Variants in PPP1R13B observed in about 807,000 individuals in gnomAD.
PPP1R13B encodes the protein apoptosis-stimulating of p53 protein 1.
In PPP1R13B, 44 loss-of-function variants were observed where a neutral mutation model predicts 119.8. That is an observed-to-expected ratio of 0.37 (90% confidence interval 0.29 to 0.47). PPP1R13B has a LOEUF of 0.47. Among genes scored for constraint, PPP1R13B ranks in the 20% least tolerant of loss-of-function variants. The probability of loss-of-function intolerance (pLI) is 0.99; values close to 1 mark genes in which losing one functional copy is unlikely to be tolerated. For missense variants in PPP1R13B, 1,227 were observed against 1,413.5 expected, an observed-to-expected ratio of 0.87 and a Z score of 2.12; for synonymous variants, 542 against 561.5, an observed-to-expected ratio of 0.97 and a Z score of 0.49.
At chr14:103,799,052 T>G (rs1440077269) in intron 1 of PPP1R13B, among the ~76,000 whole-genome samples, 1 of 152,136 alleles carries the variant, frequency 6.6e-6, no homozygotes. Flanking sequence ...CAGGCTGGAA[T>G]GCAATGTCGC....
chr14:103,801,689 T>C (rs2085904177), intron 1 of PPP1R13B, among the ~76,000 whole-genome samples: 1 of 152,198 alleles, frequency 6.6e-6, no homozygotes, highest in Non-Finnish European at 1.5e-5. Context: ...ACTTCACTTT[T>C]GAGTCTTTAA....
chr14:103,760,102 C>T (rs1169372158), intron 4 of PPP1R13B, among the ~76,000 whole-genome samples: 3 of 152,076 alleles, frequency 2.0e-5, no homozygotes, highest in African/African-American at 7.2e-5. Flanking sequence ...GTTATAAAAA[C>T]ATAAGCTACC....
Position 103,784,814 on chromosome 14 carries a change from T to C in PPP1R13B, c.258A>G (p.Pro86=), listed in dbSNP as rs1292282269. 2 of 1,609,268 alleles carry C rather than the reference T, an allele frequency of 1.2e-6. No homozygotes were observed. The highest frequency in any genetic ancestry group is 1.7e-6 in the Non-Finnish European group (2 of 1,176,350). ...ATCTACCTTGTTCACTGTTCTCAGTTGGGGAGTCCTCGTGTCGAAGGAAAA... is the reference window on the plus strand; with the variant it reads ...ATCTACCTTGTTCACTGTTCTCAGTCGGGGAGTCCTCGTGTCGAAGGAAAA... ...VKFFLRHEDS[P]TENSEQGGRQ... is the part of the protein sequence containing the mutation. The change falls in exon 3 of 17, where the codon CCA becomes CCG. Residue 86 remains proline (P), a synonymous_variant. Coordinates refer to ENST00000202556, the MANE Select transcript of PPP1R13B (RefSeq NM_015316.3).
intron 1 of PPP1R13B, among the ~76,000 whole-genome samples, chr14:103,802,844 A>G (rs1160114788): frequency 1.3e-5 from 2 of 152,190 alleles, no homozygotes; most frequent in Non-Finnish European, 2.9e-5. Context: ...TAACTTATCC[A>G]AAAGTCACTA....
chr14:103,753,826 G>A (rs976548816), intron 6 of PPP1R13B, among the ~76,000 whole-genome samples: 1 of 152,056 alleles, frequency 6.6e-6, no homozygotes, highest in Admixed American at 6.6e-5. Flanking sequence ...GCTTACTGCA[G>A]CCTTGACCTC....
rs190252810 is a variant in PPP1R13B, at chr14:103,780,411, C to A, written c.278-1590G>T. On this transcript the variant is annotated intron_variant, in intron 3 of 16. Coordinates refer to ENST00000202556, the MANE Select transcript of PPP1R13B (RefSeq NM_015316.3). ...CTGAAGTGGGAGGATCACTTGAGCC[C>A]AGGAGGCAGAGGTTGCAGTGAGCCA... 1.0e-3 allele frequency among the ~76,000 whole-genome samples: 146 copies of A among 144,236 alleles called. 3 individuals carry two copies. In the East Asian group the frequency reaches 0.022, roughly 22 times the overall value. The allele number at this position is 144,236 out of a possible 152,430, so 94.6% of individuals were successfully genotyped here.
chr14:103,761,146 C>T (rs958726912), intron 4 of PPP1R13B, among the ~76,000 whole-genome samples: 15 of 151,802 alleles, frequency 9.9e-5, no homozygotes, highest in African/African-American at 3.6e-4. Flanking sequence ...TGGTAGCGGG[C>T]ACCTGTAGTC....
At chr14:103,749,964 T>C in intron 7 of PPP1R13B, 30 bp from the exon 8 acceptor site, 2 of 1,597,684 alleles carry the variant, frequency 1.3e-6, no homozygotes, top group Non-Finnish European at 8.5e-7. Flanking sequence ...ACCTTTATGA[T>C]TTGTGTTAAT....
chr14:103,744,325 T>G (rs180918729), intron 9 of PPP1R13B, among the ~76,000 whole-genome samples: 1 of 152,204 alleles, frequency 6.6e-6, no homozygotes, highest in Non-Finnish European at 1.5e-5. Flanking sequence ...CTCAGAAATA[T>G]CTTAATTTTG....
intron 1 of PPP1R13B, among the ~76,000 whole-genome samples, chr14:103,828,427 C>G (rs2086599653): frequency 6.6e-6 from 1 of 150,860 alleles, no homozygotes; most frequent in Non-Finnish European, 1.5e-5. Context: ...GGCAGTGTTA[C>G]CTTTTATGTA....
intron 1 of PPP1R13B, among the ~76,000 whole-genome samples, chr14:103,844,728 A>G (rs1314240519): frequency 6.6e-6 from 1 of 152,142 alleles, no homozygotes; most frequent in Non-Finnish European, 1.5e-5. Flanking sequence ...TCTGTCACAA[A>G]AAAAGAAAAA....
At chr14:103,739,216 G>A (rs2084188911) in intron 12 of PPP1R13B, 193 bp from the exon 13 acceptor site, 2 of 663,310 alleles carry the variant, frequency 3.0e-6, no homozygotes, top group Non-Finnish European at 5.0e-6. Context: ...CTCACTACAA[G>A]GGAGAGCCCT....
At chr14:103,770,050 G>A (rs2085030055) in intron 4 of PPP1R13B, among the ~76,000 whole-genome samples, 1 of 151,540 alleles carries the variant, frequency 6.6e-6, no homozygotes, top group South Asian at 2.1e-4. Context: ...GTCTATAAAT[G>A]TGAATAACTT....
intron 9 of PPP1R13B, among the ~76,000 whole-genome samples, 200 bp downstream of exon 9, chr14:103,746,173 T>TA (rs747792618): frequency 1.5e-4 from 23 of 152,324 alleles, no homozygotes; most frequent in Non-Finnish European, 2.8e-4. Context: ...TCTAGTTCAG[T>TA]AAAAATAACT....
In PPP1R13B at chr14:103,746,372, C is replaced by A; in HGVS notation, c.1150+1G>T. On this transcript the variant is annotated splice_donor_variant, in intron 9 of 16. Transcript: ENST00000202556. LOFTEE classifies it high-confidence loss of function. Reference sequence around the variant, plus strand: ...CCAGGAAGAGGGCCAGGACCACTCACCGGATTTGGATCTTCCATGAGCAGC... The same window carrying A: ...CCAGGAAGAGGGCCAGGACCACTCAACGGATTTGGATCTTCCATGAGCAGC... 6.3e-7 allele frequency: 1 copy of A among 1,577,070 alleles called. No individual in the cohort carries two copies. The highest frequency in any genetic ancestry group is 8.6e-7 in the Non-Finnish European group (1 of 1,157,046).
At chr14:103,788,004 TAG>T (rs2085512804) in intron 2 of PPP1R13B, among the ~76,000 whole-genome samples, 1 of 151,652 alleles carries the variant, frequency 6.6e-6, no homozygotes, top group African/African-American at 2.4e-5. Flanking sequence ...TCCCAGCGAC[TAG>T]AGAGGCTGAG....
At chr14:103,745,795 GTTTT>G (rs950351881) in intron 9 of PPP1R13B, among the ~76,000 whole-genome samples, 6 of 152,004 alleles carry the variant, frequency 3.9e-5, no homozygotes, top group African/African-American at 7.2e-5. Context: ...TCGTGGGTCA[GTTTT>G]TTTTGTTTTG....
intron 1 of PPP1R13B, among the ~76,000 whole-genome samples, chr14:103,819,925 C>T (rs894135350): frequency 3.3e-5 from 5 of 152,198 alleles, no homozygotes; most frequent in Admixed American, 1.3e-4. Context: ...AAAAAAGGCT[C>T]AGTACTTATC....
intron 9 of PPP1R13B, among the ~76,000 whole-genome samples, chr14:103,744,378 G>A (rs545000903): frequency 3.3e-5 from 5 of 152,056 alleles, no homozygotes; most frequent in African/African-American, 7.2e-5. Context: ...CCCGCGCTAC[G>A]CCAGCATCTG....
Sources: allele counts gnomAD v4.1 joint callset (sites outside exome capture counted in the v4.1 genomes callset), GRCh38; gene constraint gnomAD v4.1.1; transcripts MANE v1.5; gene names NCBI Gene and HGNC (gene_info 2026-07-23, HGNC 2026-07-21).